Variants in MYH15 observed in about 807,000 individuals in gnomAD.
MYH15 encodes the protein myosin heavy chain 15, also known as myosin-15.
MYH15 carries 227 observed loss-of-function variants against 240.5 expected under a neutral mutation model. That is an observed-to-expected ratio of 0.94 (90% CI 0.85 to 1.05). The LOEUF is 1.05. MYH15 is among the 50% of genes least tolerant of loss of function. The pLI, the probability that MYH15 is intolerant of heterozygous loss-of-function variation, is 0.00. For synonymous variants in MYH15, 785 were observed against 796.7 expected (o/e 0.99, Z 0.25); for missense variants, 2,217 against 2,247.5 (o/e 0.99, Z 0.27).
At chr3:108,428,304 T>C (rs972066891) in intron 27 of MYH15, among the ~76,000 whole-genome samples, 188 bp downstream of exon 27, 2 of 152,240 alleles carry the variant, frequency 1.3e-5, no homozygotes, top group African/African-American at 2.4e-5. Context: ...ATTCTGGTGA[T>C]GGCTGTGTGA....
At chr3:108,535,932 CTT>C in the MYH15 span, among the ~76,000 whole-genome samples, 2 of 152,134 alleles carry the variant, frequency 1.3e-5, no homozygotes, top group African/African-American at 4.8e-5. Context: ...TTGACATTCT[CTT>C]TGTTGTTTTT....
intron 38 of MYH15, among the ~76,000 whole-genome samples, chr3:108,385,278 C>G (rs2082373007): frequency 1.3e-5 from 2 of 152,132 alleles, no homozygotes; most frequent in African/African-American, 4.8e-5. Context: ...CAATTGCTCC[C>G]CAATCAAAAC....
intron 1 of MYH15, among the ~76,000 whole-genome samples, chr3:108,508,790 T>C (rs2083499357): frequency 6.6e-6 from 1 of 152,170 alleles, no homozygotes. Context: ...TAAGAATTAT[T>C]TACATTTGGC....
chr3:108,509,055 G>T (rs1355150134), intron 1 of MYH15, among the ~76,000 whole-genome samples: 2 of 152,132 alleles, frequency 1.3e-5, no homozygotes, highest in African/African-American at 2.4e-5. Flanking sequence ...GATGGTCAAG[G>T]ACAGGGAATT....
intron 40 of MYH15, among the ~76,000 whole-genome samples, chr3:108,382,268 G>C (rs1053278263): frequency 6.6e-6 from 1 of 152,132 alleles, no homozygotes; most frequent in Non-Finnish European, 1.5e-5. Flanking sequence ...CTCTCGCATA[G>C]GACTTATCCT....
intron 1 of MYH15, among the ~76,000 whole-genome samples, 185 bp downstream of exon 1, chr3:108,510,258 G>T (rs1474663356): frequency 6.6e-6 from 1 of 152,112 alleles, no homozygotes; most frequent in Non-Finnish European, 1.5e-5. Context: ...CTCTTCTGTG[G>T]GTACTTCCAT....
intron 25 of MYH15, among the ~76,000 whole-genome samples, chr3:108,432,930 G>T (rs555157016): frequency 6.6e-6 from 1 of 152,300 alleles, no homozygotes; most frequent in East Asian, 1.9e-4. Context: ...TGGGGTCAGG[G>T]CTCCCACACA....
the MYH15 span, among the ~76,000 whole-genome samples, chr3:108,540,510 C>T: frequency 3.3e-5 from 5 of 152,038 alleles, no homozygotes; most frequent in Admixed American, 6.6e-5. Context: ...TAGCCTATAA[C>T]GACTGATATG....
chr3:108,508,319 A>C (rs2083494423), intron 1 of MYH15, among the ~76,000 whole-genome samples: 2 of 152,234 alleles, frequency 1.3e-5, no homozygotes, highest in Admixed American at 1.3e-4. Context: ...TGACAGGGAC[A>C]TTTTAAAAAA....
intron 14 of MYH15, among the ~76,000 whole-genome samples, chr3:108,465,214 T>C (rs1174186014): frequency 2.6e-5 from 4 of 152,120 alleles, no homozygotes; most frequent in Non-Finnish European, 4.4e-5. Flanking sequence ...GATAGAGTCA[T>C]TGGGTAAGAC....
chr3:108,504,540 A>T lies in MYH15; in HGVS notation c.195+1183T>A, dbSNP rs74355974. 2.8e-3 allele frequency among the ~76,000 whole-genome samples: 423 copies of T among 152,290 alleles called. 2 individuals are homozygous for T. The highest frequency in any genetic ancestry group is 9.6e-3 in the African/African-American group (397 of 41,552). Reference sequence around the variant, plus strand: ...AACAAAGATAGCATTAAAAAGACAAACTTTCTCGATATCAATAATATCTGT... The same window carrying T: ...AACAAAGATAGCATTAAAAAGACAATCTTTCTCGATATCAATAATATCTGT... On this transcript the variant is annotated intron_variant, in intron 2 of 40. Transcript: ENST00000693548.
At chr3:108,540,945 A>AATATACATATTTGTATATTCATAT in the MYH15 span, among the ~76,000 whole-genome samples, 1 of 152,120 alleles carries the variant, frequency 6.6e-6, no homozygotes, top group African/African-American at 2.4e-5. Context: ...ATATTTTATG[A>AATATACATATTTGTATATTCATAT]ATACAATGAA....
At chr3:108,537,277 G>GAC in the MYH15 span, among the ~76,000 whole-genome samples, 7 of 152,114 alleles carry the variant, frequency 4.6e-5, no homozygotes, top group African/African-American at 1.7e-4. Flanking sequence ...CTCCTGAGAG[G>GAC]ACACACAGTC....
chr3:108,452,367 A>C (rs1560380561), intron 21 of MYH15, among the ~76,000 whole-genome samples: 1 of 152,180 alleles, frequency 6.6e-6, no homozygotes, highest in Non-Finnish European at 1.5e-5. Context: ...AGACATTTAC[A>C]AAAATATCAC....
At chr3:108,435,588 T>C (rs1431421405) in intron 25 of MYH15, among the ~76,000 whole-genome samples, 1 of 150,226 alleles carries the variant, frequency 6.7e-6, no homozygotes, top group Non-Finnish European at 1.5e-5. Context: ...GACTGGCTTA[T>C]TTCCCTTAGT....
chr3:108,547,572 T>C, the MYH15 span, among the ~76,000 whole-genome samples: 1 of 152,168 alleles, frequency 6.6e-6, no homozygotes, highest in African/African-American at 2.4e-5. Context: ...CTATTTATTT[T>C]CTTAAACTAC....
At chr3:108,542,750 T>C in the MYH15 span, among the ~76,000 whole-genome samples, 3 of 152,074 alleles carry the variant, frequency 2.0e-5, no homozygotes, top group African/African-American at 7.2e-5. Context: ...TCCCCACGTG[T>C]CCATGTGTTA....
chr3:108,438,073 A>C (rs2082856165), intron 24 of MYH15, among the ~76,000 whole-genome samples: 1 of 152,198 alleles, frequency 6.6e-6, no homozygotes, highest in African/African-American at 2.4e-5. Flanking sequence ...TCTTCATAAG[A>C]AGCCAAAATA....
chr3:108,398,811 T>C lies in MYH15; in HGVS notation c.4959A>G (p.Thr1653=). 1 of 1,614,202 alleles carries C rather than the reference T, an allele frequency of 6.2e-7. No individual in the cohort carries two copies. The highest frequency in any genetic ancestry group is 8.5e-7 in the Non-Finnish European group (1 of 1,180,030). The part of the protein sequence containing the change: ...KDLQMQLDDS[T]QLNSDLKEQV... Reference sequence around the variant, plus strand: ...GCTCCTTCAGATCACTGTTCAGTTGTGTGCTGTCATCCAGCTGCATTTGAA... The same window carrying C: ...GCTCCTTCAGATCACTGTTCAGTTGCGTGCTGTCATCCAGCTGCATTTGAA... Residue 1653 remains threonine (T), a synonymous_variant, in exon 35 of 41, where the codon ACA becomes ACG. Coordinates refer to ENST00000693548, the MANE Select transcript of MYH15 (RefSeq NM_014981.3).
Sources: allele counts gnomAD v4.1 joint callset (sites outside exome capture counted in the v4.1 genomes callset), GRCh38; gene constraint gnomAD v4.1.1; transcripts MANE v1.5; gene names NCBI Gene and HGNC (gene_info 2026-07-23, HGNC 2026-07-21).